Variants in RGS17 observed in about 807,000 individuals in gnomAD.
The protein encoded by RGS17 is regulator of G-protein signaling 17.
In RGS17, 12 loss-of-function variants were observed where a neutral mutation model predicts 25.5. That is an observed-to-expected ratio of 0.47 (90% CI 0.30 to 0.76). The LOEUF (loss-of-function observed/expected upper bound fraction) is 0.76, where lower values mean the gene tolerates loss of function less well. Ranked by LOEUF, RGS17 falls within the 30% of genes least tolerant of loss-of-function variation. RGS17 has a pLI of 0.07. For missense variants in RGS17, 196 were observed against 242.2 expected, an observed-to-expected ratio of 0.81 and a Z score of 1.27; for synonymous variants, 71 against 76.9, an observed-to-expected ratio of 0.92 and a Z score of 0.40.
At chr6:153,036,709 C>T (rs748422730) in intron 2 of RGS17, among the ~76,000 whole-genome samples, 1 of 152,222 alleles carries the variant, frequency 6.6e-6, no homozygotes, top group African/African-American at 2.4e-5. Context: ...CCCAGCTACT[C>T]ATGCAAGCAA....
intron 2 of RGS17, among the ~76,000 whole-genome samples, chr6:153,027,797 A>G: frequency 6.6e-6 from 1 of 152,178 alleles, no homozygotes; most frequent in Non-Finnish European, 1.5e-5. Context: ...ATGGCTGCTG[A>G]TAGACACTGA....
intron 1 of RGS17, among the ~76,000 whole-genome samples, chr6:153,108,580 G>A (rs180734162): frequency 3.3e-5 from 5 of 151,946 alleles, no homozygotes; most frequent in East Asian, 2.0e-4. Flanking sequence ...AGGCAAGAGG[G>A]TGGAATCTCC....
chr6:153,128,281 A>T (rs1246918753), intron 1 of RGS17, among the ~76,000 whole-genome samples: 3 of 152,186 alleles, frequency 2.0e-5, no homozygotes, highest in African/African-American at 7.2e-5. Context: ...ATTATTCTCA[A>T]CCTCTGGGTA....
chr6:153,006,327 GTTGTT>G lies in RGS17; in HGVS notation c.*5242_*5246del, dbSNP rs1779073648. ...TGATATTATTTCTGTCCTTGGGAAT[GTTGTT>G]TTATTTCCTTTGGAAATAAAACTTT... On this transcript the variant is annotated 3_prime_UTR_variant, in exon 5 of 5. Transcript: ENST00000206262. 6.6e-6 allele frequency: 1 copy of G among 152,382 alleles called. No homozygotes were observed. The highest frequency in any genetic ancestry group is 1.5e-5 in the Non-Finnish European group (1 of 67,984). 9.4% of individuals were successfully genotyped at this position (152,382 alleles called of 1,614,324 possible).
intron 2 of RGS17, among the ~76,000 whole-genome samples, chr6:153,032,367 A>G (rs533499826): frequency 3.3e-5 from 5 of 152,298 alleles, no homozygotes; most frequent in African/African-American, 4.8e-5. Context: ...CTCACTCCAC[A>G]TTTTGTAATC....
rs184875891 is a variant in RGS17 at position 153,015,714 on chromosome 6, C to T, written c.445-3952G>A. 7.5e-3 allele frequency among the ~76,000 whole-genome samples: 1,126 copies of T among 151,124 alleles called. 7 individuals carry two copies. Among genetic ancestry groups the T allele is most frequent in the Non-Finnish European group, 0.012 (832 of 67,870 alleles). On this transcript the variant is annotated intron_variant, in intron 4 of 4. Coordinates refer to ENST00000206262, the MANE Select transcript of RGS17 (RefSeq NM_012419.5). ...TGTCGCCCAGGCTGGAGTGCAGTGG[C>T]GCGATCTCGGCTCACTGCAAGCTCC...
At position 153,024,288 on chromosome 6, in the gene RGS17, A is replaced by G; in HGVS notation, c.418T>C (p.Tyr140His). Residue 140 changes from tyrosine to histidine, a missense_variant, in exon 4 of 5, where the codon TAC becomes CAC. By Grantham distance (83) the Tyr-to-His change is moderately conservative. Coordinates refer to ENST00000206262, the MANE Select transcript of RGS17 (RefSeq NM_012419.5). ...TCTTTTGGTGATAGTATAGAAATGT[A>G]ATCTTCATATATCATCCTAGCCTTT... ...EEKARMIYEDYISILSPKEVS... is the reference protein window; with the variant it reads ...EEKARMIYEDHISILSPKEVS... 1 of 1,611,680 alleles carries G rather than the reference A, an allele frequency of 6.2e-7. No homozygotes were observed. Among genetic ancestry groups the G allele is most frequent in the East Asian group, 2.2e-5 (1 of 44,866 alleles).
At chr6:153,044,969 T>C (rs1776370310) in intron 1 of RGS17, among the ~76,000 whole-genome samples, 1 of 152,196 alleles carries the variant, frequency 6.6e-6, no homozygotes, top group East Asian at 1.9e-4. Context: ...TTTTCATAAA[T>C]AGGCAATGTA....
intron 1 of RGS17, among the ~76,000 whole-genome samples, chr6:153,099,764 T>C (rs1243291110): frequency 6.6e-6 from 1 of 152,192 alleles, no homozygotes; most frequent in Non-Finnish European, 1.5e-5. Context: ...TTCAGTTTCC[T>C]TATCTGTACA....
chr6:153,094,917 C>CT (rs1554243095), intron 1 of RGS17, among the ~76,000 whole-genome samples: 1 of 151,498 alleles, frequency 6.6e-6, no homozygotes, highest in Non-Finnish European at 1.5e-5. Flanking sequence ...TTTATAATTA[C>CT]ATTCACAATA....
intron 1 of RGS17, among the ~76,000 whole-genome samples, chr6:153,099,506 T>C (rs1033809074): frequency 2.0e-5 from 3 of 152,180 alleles, no homozygotes; most frequent in African/African-American, 7.2e-5. Flanking sequence ...TTCTAAAATA[T>C]ATTCGGAAAA....
chr6:153,044,810 C>T (rs1421218471), intron 1 of RGS17, among the ~76,000 whole-genome samples: 1 of 152,170 alleles, frequency 6.6e-6, no homozygotes, highest in Admixed American at 6.5e-5. Flanking sequence ...TGTGATCTTA[C>T]AAATAAGGCC....
chr6:153,086,559 C>T (rs1777056254), intron 1 of RGS17, among the ~76,000 whole-genome samples: 1 of 152,156 alleles, frequency 6.6e-6, no homozygotes, highest in Non-Finnish European at 1.5e-5. Flanking sequence ...CTTTCGATTC[C>T]ATGTGCTTAC....
chr6:153,114,026 G>T (rs1321915321), intron 1 of RGS17, among the ~76,000 whole-genome samples: 2 of 152,006 alleles, frequency 1.3e-5, no homozygotes, highest in Non-Finnish European at 2.9e-5. Context: ...AAGAACTAGA[G>T]AGGCAAGAGC....
chr6:153,060,326 C>T (rs544145531), intron 1 of RGS17, among the ~76,000 whole-genome samples: 1 of 152,292 alleles, frequency 6.6e-6, no homozygotes, highest in East Asian at 1.9e-4. Flanking sequence ...AAGCTGGCTT[C>T]TCTCACTGGA....
At chr6:153,019,288 A>G (rs889451211) in intron 4 of RGS17, among the ~76,000 whole-genome samples, 6 of 152,214 alleles carry the variant, frequency 3.9e-5, no homozygotes, top group Non-Finnish European at 8.8e-5. Context: ...TAACTGGACC[A>G]TGGTTTTCTT....
rs60408562 is a variant in RGS17 at position 153,029,606 on chromosome 6, T to G, written c.120-3063A>C. Among the ~76,000 whole-genome samples, 900 of 152,190 alleles carry G rather than the reference T, an allele frequency of 5.9e-3. 8 individuals carry two copies. The highest frequency in any genetic ancestry group is 0.021 in the African/African-American group (853 of 41,518). On this transcript the variant is annotated intron_variant, in intron 2 of 4. Transcript: ENST00000206262. ...TTTTCTTTTTCTTTTTCTTTTTTTT[T>G]TTAAGACGGAGTGTTGCTCTGTTGC...
chr6:153,119,794 C>T (rs530769914), intron 1 of RGS17, among the ~76,000 whole-genome samples: 133 of 152,312 alleles, frequency 8.7e-4, no homozygotes, highest in African/African-American at 3.1e-3. Flanking sequence ...AGAGCTAAGA[C>T]ACATTGAATA....
At chr6:153,105,923 A>C (rs549109734) in intron 1 of RGS17, among the ~76,000 whole-genome samples, 69 of 152,246 alleles carry the variant, frequency 4.5e-4, no homozygotes, top group African/African-American at 1.5e-3. Flanking sequence ...TCTCATGTGA[A>C]CACTTTGGCA....
Sources: allele counts gnomAD v4.1 joint callset (sites outside exome capture counted in the v4.1 genomes callset), GRCh38; gene constraint gnomAD v4.1.1; transcripts MANE v1.5; gene names NCBI Gene and HGNC (gene_info 2026-07-23, HGNC 2026-07-21).